The following EEFSEC variants were observed in gnomAD, a reference collection of about 807,000 sequenced individuals.
EEFSEC encodes eukaryotic elongation factor, selenocysteine-tRNA specific.
Under a neutral mutation model 42.1 loss-of-function variants are expected in EEFSEC, and 43 were observed. The observed-to-expected ratio is 1.02, with a 90% CI of 0.80 to 1.32. The LOEUF (loss-of-function observed/expected upper bound fraction) is 1.32, where lower values mean the gene tolerates loss of function less well. Ranked by LOEUF, EEFSEC falls within the 40% of genes most tolerant of loss-of-function variation. The pLI is 0.00. For missense variants in EEFSEC, 745 were observed against 803.6 expected (o/e 0.93, Z 0.88); for synonymous variants, 354 against 339.1 (o/e 1.04, Z -0.48).
chr3:128,351,739 A>G (rs1428091971), intron 5 of EEFSEC, among the ~76,000 whole-genome samples: 1 of 152,236 alleles, frequency 6.6e-6, no homozygotes. Flanking sequence ...GACAATGGGG[A>G]CCCACCTGGC....
intron 1 of EEFSEC, among the ~76,000 whole-genome samples, chr3:128,157,042 T>C (rs1296982075): frequency 1.3e-5 from 2 of 152,142 alleles, no homozygotes; most frequent in Admixed American, 1.3e-4. Context: ...CTGAAGGAAA[T>C]TAAAAGTGCT....
At chr3:128,397,762 C>T (rs891937318) in intron 6 of EEFSEC, among the ~76,000 whole-genome samples, 1 of 152,252 alleles carries the variant, frequency 6.6e-6, no homozygotes, top group Non-Finnish European at 1.5e-5. Flanking sequence ...TCTCTCTGGA[C>T]GGAGGAGTCG....
chr3:128,410,423 C>T (rs982902498), downstream of EEFSEC, among the ~76,000 whole-genome samples: 2 of 152,264 alleles, frequency 1.3e-5, no homozygotes. Flanking sequence ...ACCACTGTGC[C>T]AAGCATGGGG....
intron 5 of EEFSEC, among the ~76,000 whole-genome samples, chr3:128,344,812 G>A (rs978743044): frequency 6.6e-6 from 1 of 152,218 alleles, no homozygotes; most frequent in African/African-American, 2.4e-5. Context: ...TCGAAGGATG[G>A]TCTTGACCTC....
chr3:128,212,764 T>G (rs2065771744), intron 1 of EEFSEC, among the ~76,000 whole-genome samples: 1 of 152,188 alleles, frequency 6.6e-6, no homozygotes, highest in Non-Finnish European at 1.5e-5. Context: ...AAAATTCAGA[T>G]AGTCTCTGTG....
chr3:128,413,201 G>C (rs2068185993), downstream of EEFSEC, among the ~76,000 whole-genome samples: 7 of 152,328 alleles, frequency 4.6e-5, no homozygotes, highest in South Asian at 1.4e-3. Flanking sequence ...GGAGGAAGAG[G>C]ACGTTTGGGA....
chr3:128,362,034 C>T (rs907333824), intron 6 of EEFSEC: 65 of 326,846 alleles, frequency 2.0e-4, no homozygotes, highest in Admixed American at 3.2e-4. Flanking sequence ...TCACCCCTCT[C>T]CATCAGCTCT....
chr3:128,203,383 C>T lies in EEFSEC; in HGVS notation c.317-43453C>T, dbSNP rs546123416. On this transcript the variant is annotated intron_variant, in intron 1 of 6. Coordinates refer to ENST00000254730, the MANE Select transcript of EEFSEC (RefSeq NM_021937.5). ...TTTCCTTAAAGTGATGTCATTGTTT[C>T]CACCTGGGCAGAGGAAGATGATGAG... is the stretch of plus-strand genomic sequence containing the variant. Among the ~76,000 whole-genome samples, 16 of 152,284 alleles carry T rather than the reference C, an allele frequency of 1.1e-4. No homozygotes were observed. The South Asian group carries it at 3.3e-3, about 32-fold the overall frequency.
chr3:128,364,773 C>T (rs1576674185), intron 6 of EEFSEC, among the ~76,000 whole-genome samples: 1 of 152,336 alleles, frequency 6.6e-6, no homozygotes, highest in Non-Finnish European at 1.5e-5. Context: ...GCTGGGAAGG[C>T]CAAGAGCACC....
intron 1 of EEFSEC, among the ~76,000 whole-genome samples, chr3:128,168,986 AG>A (rs2107772891): frequency 6.6e-6 from 1 of 152,332 alleles, no homozygotes; most frequent in African/African-American, 2.4e-5. Flanking sequence ...ACTGCTTGCC[AG>A]GGGTTGAGTT....
chr3:128,404,471 G>A (rs533993879), intron 6 of EEFSEC, among the ~76,000 whole-genome samples: 7 of 152,378 alleles, frequency 4.6e-5, no homozygotes, highest in Admixed American at 6.5e-5. Context: ...CAGCACAGAC[G>A]CCGGGGAGCC....
chr3:128,207,996 G>T (rs2065716682), intron 1 of EEFSEC, among the ~76,000 whole-genome samples: 2 of 152,188 alleles, frequency 1.3e-5, no homozygotes, highest in African/African-American at 4.8e-5. Flanking sequence ...TTGCCTACCT[G>T]CCTGTTTCTT....
At chr3:128,424,441 G>A in the EEFSEC span, among the ~76,000 whole-genome samples, 5 of 152,106 alleles carry the variant, frequency 3.3e-5, no homozygotes, top group African/African-American at 1.2e-4. Context: ...GAGTGCAGTG[G>A]TGTGATCATG....
chr3:128,163,952 AC>A (rs1406204191), intron 1 of EEFSEC, among the ~76,000 whole-genome samples: 2 of 151,720 alleles, frequency 1.3e-5, no homozygotes, highest in East Asian at 1.9e-4. Flanking sequence ...AAAAAAAAAA[AC>A]AAAACTATTT....
intron 4 of EEFSEC, among the ~76,000 whole-genome samples, chr3:128,275,886 C>T (rs1451852015): frequency 6.6e-6 from 1 of 152,182 alleles, no homozygotes; most frequent in East Asian, 1.9e-4. Flanking sequence ...AGAAGATGTT[C>T]CAGCTGGAGT....
chr3:128,203,622 G>A (rs2065664466), intron 1 of EEFSEC, among the ~76,000 whole-genome samples: 1 of 152,214 alleles, frequency 6.6e-6, no homozygotes, highest in Admixed American at 6.5e-5. Context: ...AACGAGGCTG[G>A]AGCCAGGTCT....
At position 128,317,271 on chromosome 3, in the gene EEFSEC, G is replaced by A. The variant is rs918688882; in HGVS notation, c.787-23962G>A. On this transcript the variant is annotated intron_variant, in intron 4 of 6. Transcript: ENST00000254730. This position sits in a 1 kb window ranked among gnomAD's most constrained non-coding sequence, Gnocchi z 4.1. ...GTCTGCTGCCAGGCCAGGAGAACCC[G>A]TGGGTTTTCTTCCTTCATACACACG... Among the ~76,000 whole-genome samples the A allele has an allele frequency of 2.6e-5, 4 of 152,158 alleles. No individual in the cohort carries two copies. Among genetic ancestry groups the A allele is most frequent in the African/African-American group, 9.7e-5 (4 of 41,436 alleles).
chr3:128,372,572 A>G (rs1363294522), intron 6 of EEFSEC, among the ~76,000 whole-genome samples: 2 of 152,204 alleles, frequency 1.3e-5, no homozygotes, highest in Non-Finnish European at 2.9e-5. Context: ...GGCCTGGGGC[A>G]GGACGGTGCT....
intron 2 of EEFSEC, among the ~76,000 whole-genome samples, chr3:128,254,493 G>A (rs1222139983): frequency 2.0e-5 from 3 of 152,190 alleles, no homozygotes; most frequent in Non-Finnish European, 4.4e-5. Flanking sequence ...CAGGGAAATG[G>A]GGGCTGAGTG....
Sources: gnomAD v4.1 joint callset for allele counts (sites outside exome capture counted in the v4.1 genomes callset) on GRCh38, gnomAD v4.1.1 for gene constraint, Gnocchi (gnomAD v3.1) non-coding constraint, MANE v1.5 for transcripts, NCBI Gene and HGNC (gene_info 2026-07-23, HGNC 2026-07-21) for gene names.